Variants in BACH2 observed in about 807,000 individuals in gnomAD.
The protein encoded by BACH2 is BACH transcriptional regulator 2, also known as transcription regulator protein BACH2.
A neutral mutation model predicts 61.8 loss-of-function variants in BACH2; 5 were observed. The observed-to-expected ratio is 0.08, with a 90% CI of 0.04 to 0.17. BACH2 has a LOEUF of 0.17. BACH2 is among the 10% of genes least tolerant of loss of function. The pLI, the probability that BACH2 is intolerant of heterozygous loss-of-function variation, is 1.00. For missense variants in BACH2, 824 were observed against 1,091.1 expected (o/e 0.76, Z 3.45); for synonymous variants, 446 against 440.1 (o/e 1.01, Z -0.17).
chr6:90,093,508 G>C (rs2127809015), intron 4 of BACH2, among the ~76,000 whole-genome samples: 1 of 152,326 alleles, frequency 6.6e-6, no homozygotes, highest in Non-Finnish European at 1.5e-5. Flanking sequence ...CTGAGCACTT[G>C]AAAAGTACCT....
intron 6 of BACH2, among the ~76,000 whole-genome samples, chr6:89,997,004 G>GGC (rs796247518): frequency 6.0e-5 from 4 of 66,158 alleles, no homozygotes; most frequent in South Asian, 5.5e-4. Flanking sequence ...CATGCACACG[G>GGC]GCACACACAC....
chr6:90,038,448 T>A (rs1425405171), intron 5 of BACH2, among the ~76,000 whole-genome samples: 1 of 152,222 alleles, frequency 6.6e-6, no homozygotes, highest in African/African-American at 2.4e-5. Context: ...CAACATTATG[T>A]TTGTGAGGTT....
chr6:90,273,645 T>A (rs1362002493), intron 1 of BACH2, among the ~76,000 whole-genome samples: 1 of 152,172 alleles, frequency 6.6e-6, no homozygotes, highest in Non-Finnish European at 1.5e-5. Context: ...CTGTCAAGGC[T>A]CGGGTCTGAT....
chr6:90,272,792 C>T (rs527698813), intron 1 of BACH2, among the ~76,000 whole-genome samples: 1 of 152,242 alleles, frequency 6.6e-6, no homozygotes, highest in East Asian at 1.9e-4. Flanking sequence ...AGAAAAACTC[C>T]CTCTTCTCTT....
At chr6:90,201,804 G>C (rs1768964948) in intron 4 of BACH2, among the ~76,000 whole-genome samples, 2 of 152,126 alleles carry the variant, frequency 1.3e-5, no homozygotes, top group South Asian at 4.1e-4. Flanking sequence ...GCTCTTCAAA[G>C]TCTGCCACAA....
At chr6:90,154,756 T>C (rs183998615) in intron 4 of BACH2, among the ~76,000 whole-genome samples, 4 of 152,324 alleles carry the variant, frequency 2.6e-5, no homozygotes, top group Admixed American at 1.3e-4. Flanking sequence ...AGTTCTAGCC[T>C]GCCTTTTGAA....
intron 5 of BACH2, 127 bp downstream of exon 5, chr6:90,088,834 A>G (rs1378796607): frequency 2.0e-5 from 3 of 152,246 alleles, no homozygotes. Flanking sequence ...TTGCTCAATG[A>G]TAACTCTCCA....
At chr6:90,155,140 C>T (rs1233545402) in intron 4 of BACH2, among the ~76,000 whole-genome samples, 2 of 152,176 alleles carry the variant, frequency 1.3e-5, no homozygotes, top group Non-Finnish European at 2.9e-5. Flanking sequence ...ACCACCAAAA[C>T]ACAAAGCACA....
intron 4 of BACH2, among the ~76,000 whole-genome samples, chr6:90,117,831 G>T (rs1056962296): frequency 6.6e-5 from 10 of 151,876 alleles, no homozygotes; most frequent in African/African-American, 2.2e-4. Context: ...CTTATGTTTT[G>T]GATCAATATA....
At chr6:90,226,678 C>A (rs1582507940) in intron 3 of BACH2, among the ~76,000 whole-genome samples, 1 of 151,994 alleles carries the variant, frequency 6.6e-6, no homozygotes, top group South Asian at 2.1e-4. Context: ...CAATCAAACA[C>A]AGAGCCCAAG....
chr6:90,029,624 C>T (rs1328957552), intron 5 of BACH2, among the ~76,000 whole-genome samples: 2 of 152,102 alleles, frequency 1.3e-5, no homozygotes, highest in African/African-American at 2.4e-5. Flanking sequence ...CCATTGAAGC[C>T]GCAGAACTTC....
intron 4 of BACH2, among the ~76,000 whole-genome samples, chr6:90,186,056 C>T (rs978421291): frequency 3.2e-4 from 49 of 152,162 alleles, no homozygotes; most frequent in African/African-American, 1.0e-3. Context: ...TAGAAGAGAC[C>T]GATCCTCTAC....
At chr6:90,194,783 C>T (rs547505854) in intron 4 of BACH2, among the ~76,000 whole-genome samples, 36 of 152,284 alleles carry the variant, frequency 2.4e-4, no homozygotes, top group Admixed American at 4.6e-4. Flanking sequence ...AGAAAACATC[C>T]CTCACCCATG....
At chr6:90,130,209 G>A (rs545634018) in intron 4 of BACH2, among the ~76,000 whole-genome samples, 1 of 152,174 alleles carries the variant, frequency 6.6e-6, no homozygotes, top group South Asian at 2.1e-4. Flanking sequence ...TTGACTGGTG[G>A]AATTCCTGCT....
intron 3 of BACH2, among the ~76,000 whole-genome samples, chr6:90,249,718 C>G (rs905513097): frequency 6.6e-6 from 1 of 152,048 alleles, no homozygotes; most frequent in Non-Finnish European, 1.5e-5. Flanking sequence ...GAGGCTGCCA[C>G]GAACCATGAT....
chr6:90,244,628 A>T (rs530772278), intron 3 of BACH2, among the ~76,000 whole-genome samples: 1 of 152,304 alleles, frequency 6.6e-6, no homozygotes, highest in East Asian at 1.9e-4. Flanking sequence ...ACATGCGCAC[A>T]CACGCACACA....
chr6:90,295,562 G>A (rs943629671), intron 1 of BACH2, among the ~76,000 whole-genome samples: 1 of 152,154 alleles, frequency 6.6e-6, no homozygotes. Flanking sequence ...CGGGGCCACG[G>A]AGCGCCTCGA....
chr6:90,212,895 C>T (rs1337586083), intron 3 of BACH2, among the ~76,000 whole-genome samples: 7 of 152,222 alleles, frequency 4.6e-5, no homozygotes, highest in Non-Finnish European at 7.3e-5. Flanking sequence ...CACTTTCATA[C>T]ACCCACTTCT....
chr6:90,016,201 T>A (rs1778051027), intron 5 of BACH2, among the ~76,000 whole-genome samples: 1 of 152,166 alleles, frequency 6.6e-6, no homozygotes, highest in African/African-American at 2.4e-5. Context: ...TCTTGCTTTT[T>A]AAAAAAATCT....
Sources: gnomAD v4.1 joint callset for allele counts (sites outside exome capture counted in the v4.1 genomes callset) on GRCh38, gnomAD v4.1.1 for gene constraint, MANE v1.5 for transcripts, NCBI Gene and HGNC (gene_info 2026-07-23, HGNC 2026-07-21) for gene names.